The following KDM2B variants were observed in gnomAD, a reference collection of about 807,000 sequenced individuals.
KDM2B encodes the protein lysine-specific demethylase 2B.
In KDM2B, 26 loss-of-function variants were observed where a neutral mutation model predicts 150.0. That is an observed-to-expected ratio of 0.17 (90% CI 0.13 to 0.24). The LOEUF (loss-of-function observed/expected upper bound fraction) is 0.24, where lower values mean the gene tolerates loss of function less well. Ranked by LOEUF, KDM2B falls within the 10% of genes least tolerant of loss-of-function variation. The probability of loss-of-function intolerance (pLI) is 1.00; values close to 1 mark genes in which losing one functional copy is unlikely to be tolerated. For missense variants in KDM2B, 1,265 were observed against 1,816.9 expected (o/e 0.70, Z 5.52); for synonymous variants, 734 against 729.5 (o/e 1.01, Z -0.10).
At chr12:121,543,296 C>G (rs1477126403) in intron 6 of KDM2B, among the ~76,000 whole-genome samples, 3 of 152,074 alleles carry the variant, frequency 2.0e-5, no homozygotes, top group Non-Finnish European at 2.9e-5. Flanking sequence ...GTGGAGGTTA[C>G]AGTAAGCTGA....
At chr12:121,478,866 T>TTGTGTTTGTGTGTGTGTGTG (rs1881715326) in intron 12 of KDM2B, among the ~76,000 whole-genome samples, 2 of 131,132 alleles carry the variant, frequency 1.5e-5, no homozygotes, top group Non-Finnish European at 3.2e-5. Context: ...TTTTGTTTGT[T>TTGTGTTTGTGTGTGTGTGTG]TGTGTGTGTG....
At chr12:121,490,195 G>T (rs1883206818) in intron 12 of KDM2B, among the ~76,000 whole-genome samples, 1 of 152,308 alleles carries the variant, frequency 6.6e-6, no homozygotes, top group African/African-American at 2.4e-5. Context: ...AGGTCACAAG[G>T]CATCGAGGGT....
upstream of KDM2B, among the ~76,000 whole-genome samples, chr12:121,581,479 C>T (rs902782440): frequency 3.9e-4 from 59 of 152,294 alleles, no homozygotes; most frequent in Admixed American, 3.5e-3. Context: ...GTTGTCTTGT[C>T]CTCCCATCAT....
In KDM2B at chr12:121,430,421, C is replaced by T; in HGVS notation, c.3878G>A (p.Gly1293Glu). ...CCTCAGGTCAATATGACAGATGTTT[C>T]CACAGCGTTTGAAGAAGGACAGGCA... ...DQCLSFFKRC[G>E]NICHIDLRYC... is the part of the protein sequence containing the mutation. The change falls in exon 23 of 23, where the codon GGA (glycine) becomes GAA (glutamate). Residue 1293 changes from glycine to glutamate, a missense_variant. By Grantham distance (98) the Gly-to-Glu change is moderately conservative. Around this residue, in one of 11 missense-constraint regions of KDM2B, gnomAD observed 251 missense variants for 397.8 expected, o/e 0.63. Transcript: ENST00000377071. This position sits in a 1 kb window ranked among gnomAD's most constrained non-coding sequence, Gnocchi z 4.4. The T allele has an allele frequency of 6.2e-7, 1 of 1,614,082 alleles. No homozygotes were observed. The highest frequency in any genetic ancestry group is 8.5e-7 in the Non-Finnish European group (1 of 1,180,024).
chr12:121,475,888 G>A (rs1305269832), intron 12 of KDM2B, among the ~76,000 whole-genome samples: 1 of 151,796 alleles, frequency 6.6e-6, no homozygotes, highest in East Asian at 1.9e-4. Context: ...TTTAGGCCAG[G>A]GGCAGTGGCT....
rs536952804 is a variant in KDM2B, at chr12:121,534,088, G to A, written c.777+409C>T. ...AAAAAAGCCGGGCACAGTGGCTCAC[G>A]CCTCTAATCCCAGCACTTTGGGAGG... On this transcript the variant is annotated intron_variant, in intron 7 of 22. Transcript: ENST00000377071. 1.1e-3 allele frequency among the ~76,000 whole-genome samples: 161 copies of A among 152,178 alleles called. 1 individual carries two copies. Among genetic ancestry groups the A allele is most frequent in the South Asian group, 1.7e-3 (8 of 4,820 alleles).
chr12:121,525,147 G>A (rs1393717108), intron 8 of KDM2B, among the ~76,000 whole-genome samples: 1 of 152,170 alleles, frequency 6.6e-6, no homozygotes, highest in African/African-American at 2.4e-5. Context: ...ACGAACCTGT[G>A]GCTGCTGACA....
chr12:121,500,601 G>A (rs1884447087), intron 11 of KDM2B, among the ~76,000 whole-genome samples: 1 of 152,238 alleles, frequency 6.6e-6, no homozygotes, highest in South Asian at 2.1e-4. Context: ...CATCAGGGAA[G>A]AATCGCCATC....
chr12:121,422,643 A>G, the KDM2B span, among the ~76,000 whole-genome samples: 41 of 152,328 alleles, frequency 2.7e-4, 1 homozygote, highest in South Asian at 8.5e-3. Context: ...CCAACTATTC[A>G]TGATTCCCTT....
At chr12:121,568,375 G>A (rs1384821751) in intron 4 of KDM2B, among the ~76,000 whole-genome samples, 4 of 152,012 alleles carry the variant, frequency 2.6e-5, no homozygotes, top group Non-Finnish European at 4.4e-5. Context: ...CAGGAGAAAC[G>A]CTTGAACCCA....
intron 12 of KDM2B, among the ~76,000 whole-genome samples, chr12:121,462,210 G>A (rs1209345637): frequency 2.6e-5 from 4 of 152,170 alleles, no homozygotes; most frequent in African/African-American, 9.7e-5. Context: ...CCTCAAATCT[G>A]CAAGCATAAT....
At chr12:121,491,552 G>A (rs11065592) in intron 12 of KDM2B, among the ~76,000 whole-genome samples, 30,699 of 151,884 alleles carry the variant, frequency 0.2, 5,356 homozygotes, top group African/African-American at 0.47. Flanking sequence ...CAGCACTTTG[G>A]GAGGCCGAGG....
rs147936805 is a variant in KDM2B, at chr12:121,539,811, C to T, written c.684-5221G>A. ...CTGGAGTGGAGTGGCATGATCTCAGCGCACTGCAACCTCCAACTCCCGAGT... is the reference window on the plus strand; with the variant it reads ...CTGGAGTGGAGTGGCATGATCTCAGTGCACTGCAACCTCCAACTCCCGAGT... On this transcript the variant is annotated intron_variant, in intron 6 of 22. Transcript: ENST00000377071. Among the ~76,000 whole-genome samples, 472 of 152,208 alleles carry T rather than the reference C, an allele frequency of 3.1e-3. 3 individuals carry two copies. In the South Asian group the frequency reaches 0.034, roughly 11 times the overall value.
intron 22 of KDM2B, among the ~76,000 whole-genome samples, chr12:121,434,522 GAATC>G (rs1326678556): frequency 1.5e-5 from 2 of 134,078 alleles, no homozygotes; most frequent in Non-Finnish European, 3.2e-5. Flanking sequence ...AAAAAAAAAA[GAATC>G]AGGAGCCCAG....
chr12:121,537,434 C>G lies in KDM2B; in HGVS notation c.684-2844G>C, dbSNP rs1469467768. 6.6e-6 allele frequency: 1 copy of G among 152,446 alleles called. No individual in the cohort carries two copies. The highest frequency in any genetic ancestry group is 1.5e-5 in the Non-Finnish European group (1 of 68,266). The allele number at this position is 152,446 out of a possible 1,614,324, so 9.4% of individuals were successfully genotyped here. A position where few individuals can be genotyped will look rare whatever the true frequency, so the allele number is the denominator to read the frequency against. On this transcript the variant is annotated intron_variant, in intron 6 of 22. Transcript: ENST00000377071. The surrounding 1 kb of genome is among the most constrained non-coding windows in gnomAD (Gnocchi z 8.7). Reference sequence around the variant, plus strand: ...GCTTCCGCCTGGGCCTCGGCCGCCCCCGGCCGCCCCCAGCTCAGGTGGCTT... The same window carrying G: ...GCTTCCGCCTGGGCCTCGGCCGCCCGCGGCCGCCCCCAGCTCAGGTGGCTT...
intron 4 of KDM2B, among the ~76,000 whole-genome samples, chr12:121,558,920 A>G (rs945664543): frequency 3.9e-5 from 6 of 152,040 alleles, no homozygotes; most frequent in Non-Finnish European, 8.8e-5. Flanking sequence ...CATGCCTCCC[A>G]CTGCCATCGC....
chr12:121,500,279 C>T (rs1377154793), intron 11 of KDM2B, among the ~76,000 whole-genome samples: 4 of 152,102 alleles, frequency 2.6e-5, no homozygotes, highest in Non-Finnish European at 4.4e-5. Context: ...AGGCTGGGTG[C>T]CCTCACCAGC....
At chr12:121,536,628 C>A (rs1204102996) in intron 6 of KDM2B, among the ~76,000 whole-genome samples, 3 of 151,276 alleles carry the variant, frequency 2.0e-5, no homozygotes, top group African/African-American at 7.3e-5. Context: ...AAATATTAGT[C>A]TTCATTTCCC....
intron 22 of KDM2B, among the ~76,000 whole-genome samples, chr12:121,433,738 T>C (rs1224124272): frequency 1.3e-5 from 2 of 152,208 alleles, no homozygotes; most frequent in Non-Finnish European, 2.9e-5. Flanking sequence ...TTCATGTGAA[T>C]GCATGGGGCT....
Sources: allele counts gnomAD v4.1 joint callset (sites outside exome capture counted in the v4.1 genomes callset), GRCh38; gene constraint gnomAD v4.1.1; regional missense constraint gnomAD v4.1.1; non-coding constraint Gnocchi (gnomAD v3.1); transcripts MANE v1.5; gene names NCBI Gene and HGNC (gene_info 2026-07-23, HGNC 2026-07-21).